PSD3: variants seen among roughly 807,000 people sequenced by gnomAD.
PSD3 encodes the protein pleckstrin and Sec7 domain containing 3, also known as PH and SEC7 domain-containing protein 3.
Under a neutral mutation model 105.5 loss-of-function variants are expected in PSD3, and 49 were observed. That is an observed-to-expected ratio of 0.46 (90% CI 0.37 to 0.59). The LOEUF (loss-of-function observed/expected upper bound fraction) is 0.59, where lower values mean the gene tolerates loss of function less well. Ranked by LOEUF, PSD3 falls within the 20% of genes least tolerant of loss-of-function variation. The probability of loss-of-function intolerance (pLI) is 0.00; values close to 1 mark genes in which losing one functional copy is unlikely to be tolerated. For missense variants in PSD3, 1,561 were observed against 1,263.8 expected (o/e 1.24, Z -3.57); for synonymous variants, 557 against 457.8 (o/e 1.22, Z -2.77).
At position 18,533,303 on chromosome 8, in the gene PSD3, G is replaced by A. The variant is rs1434880792; in HGVS notation, c.*2440C>T. ...CTAAAGATGGACAGCATCATGCTACGGCAGTCTGAGATCCTGGCTCACAAA... is the reference window on the plus strand; with the variant it reads ...CTAAAGATGGACAGCATCATGCTACAGCAGTCTGAGATCCTGGCTCACAAA... On this transcript the variant is annotated 3_prime_UTR_variant, in exon 16 of 16. Coordinates refer to ENST00000327040, the MANE Select transcript of PSD3 (RefSeq NM_015310.4). 6.6e-6 allele frequency: 1 copy of A among 152,130 alleles called. No homozygotes were observed. Among genetic ancestry groups the A allele is most frequent in the South Asian group, 2.1e-4 (1 of 4,824 alleles). 9.4% of individuals were successfully genotyped at this position (152,130 alleles called of 1,614,324 possible). A position where few individuals can be genotyped will look rare whatever the true frequency, so the allele number is the denominator to read the frequency against.
chr8:18,822,829 T>C (rs957809652), intron 4 of PSD3, among the ~76,000 whole-genome samples: 2 of 152,086 alleles, frequency 1.3e-5, no homozygotes, highest in Non-Finnish European at 2.9e-5. Context: ...TCTTCTCAAA[T>C]AAAAAAATCC....
intron 11 of PSD3, among the ~76,000 whole-genome samples, chr8:18,625,903 C>G (rs138570356): frequency 1.4e-4 from 21 of 150,502 alleles, no homozygotes; most frequent in Non-Finnish European, 3.0e-4. Context: ...TTGTGTAGAT[C>G]ATTTATATTT....
intron 12 of PSD3, among the ~76,000 whole-genome samples, chr8:18,590,412 G>A (rs142843038): frequency 1.7e-3 from 265 of 152,204 alleles, no homozygotes; most frequent in Non-Finnish European, 2.8e-3. Context: ...ACATGTGTTC[G>A]TGGACAAACA....
At chr8:18,577,870 T>C (rs1262975896) in intron 12 of PSD3, among the ~76,000 whole-genome samples, 3 of 152,100 alleles carry the variant, frequency 2.0e-5, no homozygotes, top group African/African-American at 7.2e-5. Flanking sequence ...CACCTGCTTC[T>C]TTCTTTTTTC....
intron 2 of PSD3, among the ~76,000 whole-genome samples, chr8:18,916,810 T>G (rs964079487): frequency 2.0e-5 from 3 of 152,078 alleles, no homozygotes; most frequent in African/African-American, 4.8e-5. Flanking sequence ...AACGAATATA[T>G]GTATGAAGAT....
chr8:18,731,031 C>G (rs1803707657), intron 9 of PSD3, among the ~76,000 whole-genome samples: 2 of 151,910 alleles, frequency 1.3e-5, no homozygotes, highest in Admixed American at 1.3e-4. Context: ...CACCCCTTTA[C>G]CTCCCCCACA....
At chr8:18,903,384 G>A (rs1679684059) in intron 2 of PSD3, among the ~76,000 whole-genome samples, 1 of 152,150 alleles carries the variant, frequency 6.6e-6, no homozygotes, top group Non-Finnish European at 1.5e-5. Flanking sequence ...GTGGCAGCAA[G>A]TACCTGGGAA....
chr8:18,786,018 A>C (rs898889182), intron 8 of PSD3, among the ~76,000 whole-genome samples: 10 of 152,230 alleles, frequency 6.6e-5, no homozygotes, highest in Non-Finnish European at 1.3e-4. Context: ...GCAAAGTGTA[A>C]TAAAGCAAAG....
chr8:18,652,776 G>A (rs113706253), intron 10 of PSD3, among the ~76,000 whole-genome samples: 2,997 of 152,188 alleles, frequency 0.02, 100 homozygotes, highest in African/African-American at 0.068. Flanking sequence ...GGGATTACAG[G>A]TGTCAGCGAC....
chr8:18,743,698 G>A (rs73199947), intron 9 of PSD3, among the ~76,000 whole-genome samples: 15,903 of 151,558 alleles, frequency 0.1, 955 homozygotes, highest in African/African-American at 0.15. Flanking sequence ...TCCTATTTGG[G>A]AGGCCGAGGG....
chr8:18,830,114 C>T (rs548783110), intron 4 of PSD3, among the ~76,000 whole-genome samples: 2 of 152,204 alleles, frequency 1.3e-5, no homozygotes, highest in South Asian at 2.1e-4. Flanking sequence ...ACTACAGGCA[C>T]GTGCCACAAC....
chr8:18,930,569 AT>A (rs5889836), intron 2 of PSD3, among the ~76,000 whole-genome samples: 28,992 of 132,880 alleles, frequency 0.22, 2,956 homozygotes, highest in African/African-American at 0.38. Flanking sequence ...AACTTTTTCA[AT>A]TTTTTTTTTT....
upstream of PSD3, among the ~76,000 whole-genome samples, chr8:19,014,987 G>C (rs1266025665): frequency 6.6e-6 from 1 of 152,190 alleles, no homozygotes; most frequent in Non-Finnish European, 1.5e-5. The surrounding 1 kb of genome is among the most constrained non-coding windows in gnomAD (Gnocchi z 4.9). Context: ...AGCAGTGTGA[G>C]CAGCTGTGTA....
At chr8:19,081,848 A>C (rs6651478) in intron 1 of PSD3, among the ~76,000 whole-genome samples, 5,665 of 152,164 alleles carry the variant, frequency 0.037, 270 homozygotes, top group East Asian at 0.11. Context: ...TAGGACCTCA[A>C]CTCTACTGTA....
chr8:18,774,093 G>C (rs1473777651), intron 8 of PSD3, among the ~76,000 whole-genome samples: 1 of 152,066 alleles, frequency 6.6e-6, no homozygotes, highest in Non-Finnish European at 1.5e-5. Flanking sequence ...AACGTCTTTA[G>C]TCCTAATAGG....
At chr8:18,939,541 T>C (rs994266219) in intron 1 of PSD3, among the ~76,000 whole-genome samples, 2 of 151,546 alleles carry the variant, frequency 1.3e-5, no homozygotes, top group African/African-American at 4.9e-5. Context: ...AGAGATGGGA[T>C]CTAGATATGT....
chr8:18,819,859 G>C (rs1166328885), intron 4 of PSD3, among the ~76,000 whole-genome samples: 1 of 152,212 alleles, frequency 6.6e-6, no homozygotes, highest in African/African-American at 2.4e-5. Context: ...TTACAGGCGT[G>C]AGCCTCCGCA....
intron 1 of PSD3, among the ~76,000 whole-genome samples, chr8:18,976,738 G>A (rs1175736425): frequency 6.6e-6 from 1 of 152,204 alleles, no homozygotes; most frequent in Non-Finnish European, 1.5e-5. Context: ...AGCAGGCACT[G>A]TTCTATGCAT....
At chr8:18,793,430 G>A (rs1395679281) in intron 8 of PSD3, among the ~76,000 whole-genome samples, 1 of 150,052 alleles carries the variant, frequency 6.7e-6, no homozygotes, top group Non-Finnish European at 1.5e-5. Flanking sequence ...AACCACGTTG[G>A]CATTTGTTTA....
Sources: gnomAD v4.1 joint callset for allele counts (sites outside exome capture counted in the v4.1 genomes callset) on GRCh38, gnomAD v4.1.1 for gene constraint, Gnocchi (gnomAD v3.1) non-coding constraint, MANE v1.5 for transcripts, NCBI Gene and HGNC (gene_info 2026-07-23, HGNC 2026-07-21) for gene names.